The following SCMH1 variants were observed in gnomAD, a reference collection of about 807,000 sequenced individuals.
SCMH1 encodes the protein polycomb protein SCMH1.
Under a neutral mutation model 70.8 loss-of-function variants are expected in SCMH1, and 37 were observed. The ratio of observed to expected loss-of-function variants is 0.52; its 90% CI spans 0.40 to 0.69. The LOEUF (loss-of-function observed/expected upper bound fraction) is 0.69. SCMH1 is among the 30% of genes least tolerant of loss of function. SCMH1 has a pLI of 0.00. For synonymous variants in SCMH1, 292 were observed against 307.4 expected, an observed-to-expected ratio of 0.95 and a Z score of 0.52; for missense variants, 607 against 827.3, an observed-to-expected ratio of 0.73 and a Z score of 3.27.
Position 41,208,451 on chromosome 1 carries a change from A to T in SCMH1, c.-117-22201T>A, listed in dbSNP as rs576767313. ...GAAAAAAATTAAAAAAAAAAAATAA[A>T]AAATAAAAGTGACCACATATTTGGA... On this transcript the variant is annotated intron_variant, in intron 1 of 14. Transcript: ENST00000337495. 3.1e-3 allele frequency among the ~76,000 whole-genome samples: 464 copies of T among 150,412 alleles called. 1 individual carries two copies. Among genetic ancestry groups the T allele is most frequent in the Admixed American group, 4.5e-3 (69 of 15,214 alleles).
intron 6 of SCMH1, among the ~76,000 whole-genome samples, chr1:41,141,396 T>A (rs1644058389): frequency 6.6e-6 from 1 of 152,210 alleles, no homozygotes; most frequent in Non-Finnish European, 1.5e-5. Context: ...CACTATCAGA[T>A]CTGTCAAGAA....
At chr1:41,187,326 G>C (rs1392153811) in intron 1 of SCMH1, among the ~76,000 whole-genome samples, 2 of 151,402 alleles carry the variant, frequency 1.3e-5, no homozygotes, top group African/African-American at 4.9e-5. Flanking sequence ...GCCAAGCATG[G>C]TGGCACATGC....
intron 12 of SCMH1, among the ~76,000 whole-genome samples, chr1:41,038,997 T>C (rs1013097535): frequency 2.6e-5 from 4 of 152,220 alleles, no homozygotes; most frequent in African/African-American, 4.8e-5. Flanking sequence ...GAAAATGGAA[T>C]GGGAGGAACT....
chr1:41,232,891 T>C (rs962716913), intron 1 of SCMH1, among the ~76,000 whole-genome samples: 1 of 152,222 alleles, frequency 6.6e-6, no homozygotes, highest in South Asian at 2.1e-4. Context: ...CAATTTCACA[T>C]GCCTTTTGCT....
chr1:41,182,336 A>T (rs1034664752), intron 2 of SCMH1, among the ~76,000 whole-genome samples: 5 of 152,176 alleles, frequency 3.3e-5, no homozygotes, highest in African/African-American at 7.2e-5. Flanking sequence ...ACACCCTAAA[A>T]CTTAAAGTAT....
chr1:41,166,086 A>G (rs1245931258), intron 2 of SCMH1, among the ~76,000 whole-genome samples: 1 of 152,112 alleles, frequency 6.6e-6, no homozygotes, highest in Non-Finnish European at 1.5e-5. Context: ...AGTTTTCCCA[A>G]TACCACCTTT....
At chr1:41,102,882 G>A (rs1395828895) in intron 8 of SCMH1, among the ~76,000 whole-genome samples, 2 of 152,056 alleles carry the variant, frequency 1.3e-5, no homozygotes, top group East Asian at 3.9e-4. Flanking sequence ...AAACATTCCA[G>A]CTTTCCTTAG....
exon 9 of SCMH1, chr1:41,075,257 T>G: frequency 6.2e-7 from 1 of 1,614,168 alleles, no homozygotes; most frequent in Non-Finnish European, 8.5e-7. Context: ...TTTGGGAATT[T>G]CAAAGGTTCA....
intron 8 of SCMH1, among the ~76,000 whole-genome samples, chr1:41,080,662 G>GA (rs1659736876): frequency 6.6e-6 from 1 of 152,008 alleles, no homozygotes; most frequent in East Asian, 1.9e-4. Context: ...AAATGAAAGA[G>GA]AAAACCTATA....
intron 8 of SCMH1, among the ~76,000 whole-genome samples, chr1:41,087,937 G>GGT (rs55721560): frequency 0.011 from 1,606 of 139,906 alleles, 15 homozygotes; most frequent in African/African-American, 0.026. Flanking sequence ...TATAGTTTCT[G>GGT]GTGTGTGTGT....
rs574182940 is a variant in SCMH1, at chr1:41,124,140, A to G, written c.413-7130T>C. 1.6e-4 allele frequency among the ~76,000 whole-genome samples: 24 copies of G among 152,270 alleles called. No homozygotes were observed. In the South Asian group the frequency reaches 4.4e-3, roughly 28 times the overall value. On this transcript the variant is annotated intron_variant, in intron 6 of 14. Coordinates refer to ENST00000337495, the Ensembl canonical transcript of SCMH1. ...TATAATGAACAATTATGTACCCTTC[A>G]ACTAGATTCAACAACTATTACCATT...
At chr1:41,188,795 A>C (rs1477945810) in intron 1 of SCMH1, among the ~76,000 whole-genome samples, 3 of 150,598 alleles carry the variant, frequency 2.0e-5, no homozygotes, top group African/African-American at 7.3e-5. Flanking sequence ...TAATAAGTCA[A>C]ATTATTAATA....
chr1:41,091,300 A>G (rs1663420243), intron 8 of SCMH1, among the ~76,000 whole-genome samples: 1 of 152,226 alleles, frequency 6.6e-6, no homozygotes, highest in South Asian at 2.1e-4. Flanking sequence ...GATTATCTCA[A>G]TAGATGCAGA....
At chr1:41,035,072 T>C (rs958723013) in intron 13 of SCMH1, among the ~76,000 whole-genome samples, 2 of 152,204 alleles carry the variant, frequency 1.3e-5, no homozygotes, top group African/African-American at 4.8e-5. Flanking sequence ...AAGCATCCCA[T>C]TCTCTGACCC....
intron 1 of SCMH1, among the ~76,000 whole-genome samples, chr1:41,199,483 TACTTA>T (rs1020463327): frequency 3.3e-5 from 5 of 152,228 alleles, no homozygotes; most frequent in African/African-American, 9.6e-5. Flanking sequence ...GTGTTTTTAT[TACTTA>T]ACTTAAAGCA....
intron 6 of SCMH1, among the ~76,000 whole-genome samples, chr1:41,122,968 G>A (rs536404202): frequency 3.3e-5 from 5 of 152,176 alleles, no homozygotes; most frequent in Admixed American, 6.5e-5. Flanking sequence ...ACCTGTAATC[G>A]CAGCATTTTG....
At chr1:41,231,856 A>G (rs1347620887) in intron 1 of SCMH1, among the ~76,000 whole-genome samples, 1 of 151,986 alleles carries the variant, frequency 6.6e-6, no homozygotes, top group South Asian at 2.1e-4. Flanking sequence ...CTCGGTCTCT[A>G]TTAAAAATAC....
chr1:41,204,416 A>G (rs1473704259), intron 1 of SCMH1, among the ~76,000 whole-genome samples: 1 of 152,146 alleles, frequency 6.6e-6, no homozygotes, highest in Non-Finnish European at 1.5e-5. Flanking sequence ...ACTTCAAATC[A>G]AATCCAAGTA....
intron 1 of SCMH1, among the ~76,000 whole-genome samples, chr1:41,200,191 C>T (rs948569648): frequency 6.6e-6 from 1 of 152,000 alleles, no homozygotes; most frequent in Non-Finnish European, 1.5e-5. Flanking sequence ...AAAAATAATG[C>T]TTGTGGCCGG....
Sources: gnomAD v4.1 joint callset for allele counts (sites outside exome capture counted in the v4.1 genomes callset) on GRCh38, gnomAD v4.1.1 for gene constraint, MANE v1.5 for transcripts, NCBI Gene and HGNC (gene_info 2026-07-23, HGNC 2026-07-21) for gene names.